The following AGPAT4 variants were observed in gnomAD, a reference collection of about 807,000 sequenced individuals.
AGPAT4 encodes the protein 1-acylglycerol-3-phosphate O-acyltransferase 4.
In AGPAT4, 15 loss-of-function variants were observed where a neutral mutation model predicts 48.0. That is an observed-to-expected ratio of 0.31 (90% CI 0.21 to 0.48). AGPAT4 has a LOEUF of 0.48. AGPAT4 is among the 20% of genes least tolerant of loss of function. The pLI is 0.99. For synonymous variants in AGPAT4, 178 were observed against 198.7 expected, an observed-to-expected ratio of 0.90 and a Z score of 0.88; for missense variants, 314 against 482.5, an observed-to-expected ratio of 0.65 and a Z score of 3.27.
rs527415652 is a variant in AGPAT4 at position 161,138,018 on chromosome 6, C to T, written c.1043-1384G>A. Among the ~76,000 whole-genome samples, 20 of 152,326 alleles carry T rather than the reference C, an allele frequency of 1.3e-4. No homozygotes were observed. Among genetic ancestry groups the T allele is most frequent in the Admixed American group, 1.0e-3 (16 of 15,308 alleles). ...ATCCTGAAGGGGCCCCTCTCCAAGA[C>T]GGCGTGGGTGTGTGTGTGCCTTGCT... On this transcript the variant is annotated intron_variant, in intron 8 of 8. Transcript: ENST00000320285. The surrounding 1 kb of genome is among the most constrained non-coding windows in gnomAD (Gnocchi z 4.8).
Position 161,154,184 on chromosome 6 carries a change from A to T in AGPAT4, c.475T>A (p.Leu159Met). 6.2e-7 allele frequency: 1 copy of T among 1,614,094 alleles called. No homozygotes were observed. Among genetic ancestry groups the T allele is most frequent in the Non-Finnish European group, 8.5e-7 (1 of 1,180,030 alleles). The change falls in exon 4 of 9, where the codon TTG becomes ATG. Residue 159 changes from leucine (L) to methionine (M), a missense_variant. Coordinates refer to ENST00000320285, the MANE Select transcript of AGPAT4 (RefSeq NM_020133.3). The surrounding 1 kb of genome is among the most constrained non-coding windows in gnomAD (Gnocchi z 7.8). ...TCGGGGTAGTCCCGGAGGTGCTGCA[A>T]ACTGGTGGCAACCGTCTTGCGATCC... ...EQDRKTVATS[L>M]QHLRDYPEKY... is the part of the protein sequence containing the mutation.
rs1782447764 is a variant in AGPAT4 at position 161,240,234 on chromosome 6, ACACAC to A, written c.-89-7937_-89-7933del. 8.9e-6 allele frequency among the ~76,000 whole-genome samples: 1 copy of A among 112,124 alleles called. No homozygotes were observed. The highest frequency in any genetic ancestry group is 3.9e-5 in the African/African-American group (1 of 25,336). The allele number at this position is 112,124 out of a possible 152,430, so 73.6% of individuals were successfully genotyped here. ...TATCTTTGTGTATACACACACACAC[ACACAC>A]ACACACACACACACACACACACACA... On this transcript the variant is annotated intron_variant, in intron 1 of 8. Coordinates refer to ENST00000320285, the MANE Select transcript of AGPAT4 (RefSeq NM_020133.3). This position sits in a 1 kb window ranked among gnomAD's most constrained non-coding sequence, Gnocchi z 5.5.
rs1463698601 is a variant in AGPAT4, at chr6:161,145,731, A to G, written c.843+793T>C. On this transcript the variant is annotated intron_variant, in intron 7 of 8. Coordinates refer to ENST00000320285, the MANE Select transcript of AGPAT4 (RefSeq NM_020133.3). ...TGAGAAACAGAGAAAAACAGAACCC[A>G]TGAGAGCCAGCCCGCATTTATGGAG... is the stretch of plus-strand genomic sequence containing the variant. 2.0e-5 allele frequency among the ~76,000 whole-genome samples: 3 copies of G among 151,720 alleles called. 1 individual carries two copies. Among genetic ancestry groups the G allele is most frequent in the Admixed American group, 1.3e-4 (2 of 15,278 alleles).
In AGPAT4 at chr6:161,225,498, G is replaced by A. The variant is rs1243171531; in HGVS notation, c.178+6538C>T. On this transcript the variant is annotated intron_variant, in intron 2 of 8. Coordinates refer to ENST00000320285, the MANE Select transcript of AGPAT4 (RefSeq NM_020133.3). The surrounding 1 kb of genome is among the most constrained non-coding windows in gnomAD (Gnocchi z 5.0). Reference sequence around the variant, plus strand: ...CGAGTGCTATTTCTTTTGCAGCACCGAAACTTTATTTATAACAATTCCCTG... The same window carrying A: ...CGAGTGCTATTTCTTTTGCAGCACCAAAACTTTATTTATAACAATTCCCTG... Among the ~76,000 whole-genome samples, 4 of 152,184 alleles carry A rather than the reference G, an allele frequency of 2.6e-5. No homozygotes were observed. The highest frequency in any genetic ancestry group is 5.9e-5 in the Non-Finnish European group (4 of 68,038).
At chr6:161,176,310 C>G (rs1345626648) in intron 2 of AGPAT4, among the ~76,000 whole-genome samples, 3 of 152,176 alleles carry the variant, frequency 2.0e-5, no homozygotes, top group Non-Finnish European at 2.9e-5. Context: ...CTTTATGAAT[C>G]TGGGTGCTCC....
rs150112046 is a variant in AGPAT4 at position 161,153,368 on chromosome 6, G to T, written c.642C>A (p.Thr214=). 6.2e-7 allele frequency: 1 copy of T among 1,609,680 alleles called. No individual in the cohort carries two copies. The highest frequency in any genetic ancestry group is 8.5e-7 in the Non-Finnish European group (1 of 1,177,978). The change falls in exon 5 of 9, where the codon ACC becomes ACA. Residue 214 remains threonine, a synonymous_variant. Coordinates refer to ENST00000320285, the MANE Select transcript of AGPAT4 (RefSeq NM_020133.3). ...TACCTACATTTCTCAAGCTCCTCAC[G>T]GTGATGGCGAAGCCCTTGGTTCGTG... ...LLPRTKGFAI[T]VRSLRNVVSA...
chr6:161,198,437 C>T lies in AGPAT4; in HGVS notation c.179-32020G>A, dbSNP rs1781128691. Among the ~76,000 whole-genome samples the T allele has an allele frequency of 6.6e-6, 1 of 152,242 alleles. No individual in the cohort carries two copies. Among genetic ancestry groups the T allele is most frequent in the Non-Finnish European group, 1.5e-5 (1 of 68,038 alleles). ...ATGCTGTTAAGCATCCTACAATGCA[C>T]AGAACAGCCCCATGACAAAGAATGA... is the stretch of plus-strand genomic sequence containing the variant. On this transcript the variant is annotated intron_variant, in intron 2 of 8. Transcript: ENST00000320285. The surrounding 1 kb of genome is among the most constrained non-coding windows in gnomAD (Gnocchi z 4.3).
chr6:161,192,566 G>A (rs1228971707), intron 2 of AGPAT4, among the ~76,000 whole-genome samples: 1 of 152,108 alleles, frequency 6.6e-6, no homozygotes, highest in African/African-American at 2.4e-5. Flanking sequence ...CTTTATCATT[G>A]TTTATACAGT....
At position 161,217,397 on chromosome 6, in the gene AGPAT4, C is replaced by T. The variant is rs1242214154; in HGVS notation, c.178+14639G>A. Among the ~76,000 whole-genome samples, 2 of 152,274 alleles carry T rather than the reference C, an allele frequency of 1.3e-5. No homozygotes were observed. Among genetic ancestry groups the T allele is most frequent in the South Asian group, 2.1e-4 (1 of 4,828 alleles). The stretch of plus-strand genomic sequence containing the variant: ...GCCTTATGGTGTGTCAGATGGAGGA[C>T]GCATTGGGAGAGGCTGTGGTGGAGA... On this transcript the variant is annotated intron_variant, in intron 2 of 8. Coordinates refer to ENST00000320285, the MANE Select transcript of AGPAT4 (RefSeq NM_020133.3). This position sits in a 1 kb window ranked among gnomAD's most constrained non-coding sequence, Gnocchi z 4.9.
chr6:161,130,734 A>G lies in AGPAT4; in HGVS notation c.*5806T>C, dbSNP rs569050305. The stretch of plus-strand genomic sequence containing the variant: ...GTGTTTGCCTCAGATGCGAGTAAGG[A>G]AGCTCCAGTTGTAGCCTTGGCACAG... On this transcript the variant is annotated 3_prime_UTR_variant, in exon 9 of 9. Coordinates refer to ENST00000320285, the MANE Select transcript of AGPAT4 (RefSeq NM_020133.3). The G allele has an allele frequency of 1.2e-5, 5 of 425,148 alleles. No homozygotes were observed. Among genetic ancestry groups the G allele is most frequent in the South Asian group, 9.0e-5 (5 of 55,796 alleles). The allele number at this position is 425,148 out of a possible 1,614,324, so 26.3% of individuals were successfully genotyped here. A position where few individuals can be genotyped will look rare whatever the true frequency, so the allele number is the denominator to read the frequency against.
At position 161,139,590 on chromosome 6, in the gene AGPAT4, C is replaced by G; in HGVS notation, c.874G>C (p.Gly292Arg). 2 of 1,613,320 alleles carry G rather than the reference C, an allele frequency of 1.2e-6. No homozygotes were observed. The highest frequency in any genetic ancestry group is 1.7e-6 in the Non-Finnish European group (2 of 1,179,516). ...ACCATGGGCGTCTCTGGGAAGGTGC[C>G]CGTCCTGTAGTACTCCTCCTGAAAG... ...DAFQEEYYRTGTFPETPMVPP... is the reference protein window; with the variant it reads ...DAFQEEYYRTRTFPETPMVPP... Residue 292 changes from glycine (G) to arginine (R), a missense_variant, in exon 8 of 9, where the codon GGC (glycine) becomes CGC (arginine). Coordinates refer to ENST00000320285, the MANE Select transcript of AGPAT4 (RefSeq NM_020133.3). This position sits in a 1 kb window ranked among gnomAD's most constrained non-coding sequence, Gnocchi z 9.1.
chr6:161,218,244 T>C lies in AGPAT4; in HGVS notation c.178+13792A>G, dbSNP rs943548926. On this transcript the variant is annotated intron_variant, in intron 2 of 8. Transcript: ENST00000320285. This position sits in a 1 kb window ranked among gnomAD's most constrained non-coding sequence, Gnocchi z 4.7. Reference sequence around the variant, plus strand: ...CTTGTGTGGCAGGGGAGGCAGTAGGTGGGAGGAAAAAAAGCCCTGATTTAT... The same window carrying C: ...CTTGTGTGGCAGGGGAGGCAGTAGGCGGGAGGAAAAAAAGCCCTGATTTAT... Among the ~76,000 whole-genome samples the C allele has an allele frequency of 1.3e-5, 2 of 151,990 alleles. No homozygotes were observed. The highest frequency in any genetic ancestry group is 4.8e-5 in the African/African-American group (2 of 41,386).
rs55666532 is a variant in AGPAT4 at position 161,130,844 on chromosome 6, G to A, written c.*5696C>T. On this transcript the variant is annotated 3_prime_UTR_variant, in exon 9 of 9. Transcript: ENST00000320285. Reference sequence around the variant, plus strand: ...TACAAGTCTGAGCCATCCCGTACTAGTTCATCAACTTTCCTTCCTCATGAT... The same window carrying A: ...TACAAGTCTGAGCCATCCCGTACTAATTCATCAACTTTCCTTCCTCATGAT... The A allele has an allele frequency of 0.03, 15,617 of 519,020 alleles. 340 individuals carry two copies. The highest frequency in any genetic ancestry group is 0.04 in the Non-Finnish European group (10,352 of 259,844). The allele number at this position is 519,020 out of a possible 1,614,324, so 32.2% of individuals were successfully genotyped here. A position where few individuals can be genotyped will look rare whatever the true frequency, so the allele number is the denominator to read the frequency against.
chr6:161,149,436 CA>C lies in AGPAT4; in HGVS notation c.665-148del. 1 of 635,068 alleles carries C rather than the reference CA, an allele frequency of 1.6e-6. No individual in the cohort carries two copies. The highest frequency in any genetic ancestry group is 2.9e-5 in the East Asian group (1 of 34,928). 39.3% of individuals were successfully genotyped at this position (635,068 alleles called of 1,614,324 possible). A position where few individuals can be genotyped will look rare whatever the true frequency, so the allele number is the denominator to read the frequency against. ...CAGATTTCTTTCTTTCTATATGGTC[CA>C]CATGTTCTACACTGAATGTGTATTA... On this transcript the variant is annotated intron_variant, in intron 5 of 8. Coordinates refer to ENST00000320285, the MANE Select transcript of AGPAT4 (RefSeq NM_020133.3). This position sits in a 1 kb window ranked among gnomAD's most constrained non-coding sequence, Gnocchi z 6.5.
At chr6:161,209,494 T>A (rs956177532) in intron 2 of AGPAT4, among the ~76,000 whole-genome samples, 8 of 152,182 alleles carry the variant, frequency 5.3e-5, no homozygotes, top group African/African-American at 1.9e-4. Context: ...CTGATCCTGA[T>A]ACTCTGTTCC....
rs750308344 is a variant in AGPAT4, at chr6:161,139,657, G to A, written c.844-37C>T. ...GAAAGAGGACCCTCAGACGCCACAC[G>A]GGGCTCGGTGGCAGGTCCCTCCCGA... is the stretch of plus-strand genomic sequence containing the variant. On this transcript the variant is annotated intron_variant, in intron 7 of 8. Transcript: ENST00000320285. The surrounding 1 kb of genome is among the most constrained non-coding windows in gnomAD (Gnocchi z 9.1). 13 of 1,534,198 alleles carry A rather than the reference G, an allele frequency of 8.5e-6. No homozygotes were observed. The Admixed American group carries it at 9.5e-5, about 11-fold the overall frequency.
rs917552049 is a variant in AGPAT4, at chr6:161,139,079, A to C, written c.1042+343T>G. Among the ~76,000 whole-genome samples the C allele has an allele frequency of 1.3e-5, 2 of 152,230 alleles. No individual in the cohort carries two copies. The highest frequency in any genetic ancestry group is 3.9e-4 in the East Asian group (2 of 5,184). ...CCAGCACAGGGCTTTCTTCAGAAGC[A>C]GGAAATGATGCCAATGAGCAGAGCT... On this transcript the variant is annotated intron_variant, in intron 8 of 8. Transcript: ENST00000320285. This position sits in a 1 kb window ranked among gnomAD's most constrained non-coding sequence, Gnocchi z 9.1.
At position 161,225,011 on chromosome 6, in the gene AGPAT4, G is replaced by A. The variant is rs1003036400; in HGVS notation, c.178+7025C>T. Reference sequence around the variant, plus strand: ...CTCCACCCTGACTCATTCCAATTACGTGCTTCACCCTGACTCCTTCCAACT... The same window carrying A: ...CTCCACCCTGACTCATTCCAATTACATGCTTCACCCTGACTCCTTCCAACT... On this transcript the variant is annotated intron_variant, in intron 2 of 8. Transcript: ENST00000320285. This position sits in a 1 kb window ranked among gnomAD's most constrained non-coding sequence, Gnocchi z 5.0. Among the ~76,000 whole-genome samples the A allele has an allele frequency of 2.0e-5, 3 of 149,028 alleles. No homozygotes were observed. Among genetic ancestry groups the A allele is most frequent in the Non-Finnish European group, 4.5e-5 (3 of 67,184 alleles).
At position 161,215,429 on chromosome 6, in the gene AGPAT4, A is replaced by C. The variant is rs1045019372; in HGVS notation, c.178+16607T>G. Among the ~76,000 whole-genome samples, 2 of 152,182 alleles carry C rather than the reference A, an allele frequency of 1.3e-5. No individual in the cohort carries two copies. Among genetic ancestry groups the C allele is most frequent in the African/African-American group, 4.8e-5 (2 of 41,448 alleles). Reference sequence around the variant, plus strand: ...ATTTACAAAACATACGCATATACCCAGCAAACACAGACTGACAGTGACTCA... The same window carrying C: ...ATTTACAAAACATACGCATATACCCCGCAAACACAGACTGACAGTGACTCA... On this transcript the variant is annotated intron_variant, in intron 2 of 8. Coordinates refer to ENST00000320285, the MANE Select transcript of AGPAT4 (RefSeq NM_020133.3). This position sits in a 1 kb window ranked among gnomAD's most constrained non-coding sequence, Gnocchi z 4.5.
Sources: gnomAD v4.1 joint callset for allele counts (sites outside exome capture counted in the v4.1 genomes callset) on GRCh38, gnomAD v4.1.1 for gene constraint, Gnocchi (gnomAD v3.1) non-coding constraint, MANE v1.5 for transcripts, NCBI Gene and HGNC (gene_info 2026-07-23, HGNC 2026-07-21) for gene names.